Variants in DYRK4 observed in about 807,000 individuals in gnomAD.
DYRK4 encodes dual specificity tyrosine phosphorylation regulated kinase 4.
A neutral mutation model predicts 68.3 loss-of-function variants in DYRK4; 64 were observed. The observed-to-expected ratio is 0.94, with a 90% CI of 0.77 to 1.15. The LOEUF (loss-of-function observed/expected upper bound fraction) is 1.15. DYRK4 is among the 50% of genes most tolerant of loss of function. DYRK4 has a pLI of 0.00. For synonymous variants in DYRK4, 274 were observed against 289.9 expected, an observed-to-expected ratio of 0.95 and a Z score of 0.56; for missense variants, 740 against 764.7, an observed-to-expected ratio of 0.97 and a Z score of 0.38.
intron 5 of DYRK4, chr12:4,592,587 C>G (rs1284587652): frequency 6.5e-6 from 1 of 154,080 alleles, no homozygotes; most frequent in Non-Finnish European, 1.4e-5. Context: ...TTTATGTTAC[C>G]TGTCTGGCCC....
At chr12:4,576,904 A>C (rs1165316345) in intron 2 of DYRK4, among the ~76,000 whole-genome samples, 1 of 152,180 alleles carries the variant, frequency 6.6e-6, no homozygotes, top group Non-Finnish European at 1.5e-5. Flanking sequence ...ACTTAGACAC[A>C]ATCCCTTCTC....
intron 10 of DYRK4, among the ~76,000 whole-genome samples, chr12:4,603,821 C>G (rs1046901063): frequency 6.6e-6 from 1 of 152,218 alleles, no homozygotes; most frequent in African/African-American, 2.4e-5. Flanking sequence ...TTTCATTTAT[C>G]TTGGCTGCCA....
At position 4,592,730 on chromosome 12, in the gene DYRK4, C is replaced by T. The variant is rs921848682; in HGVS notation, c.464-272C>T. 12 of 332,350 alleles carry T rather than the reference C, an allele frequency of 3.6e-5. No homozygotes were observed. The Admixed American group carries it at 4.1e-4, about 11-fold the overall frequency. The allele number at this position is 332,350 out of a possible 1,614,324, so 20.6% of individuals were successfully genotyped here. A position where few individuals can be genotyped will look rare whatever the true frequency, so the allele number is the denominator to read the frequency against. On this transcript the variant is annotated intron_variant, in intron 5 of 14. Transcript: ENST00000543431. ...ATTTGACTCCTGGAATTTTTACCTG[C>T]GCTGCTCTAACCCCCAGGTGTTTGG...
In DYRK4 at chr12:4,613,669, C is replaced by T. The variant is rs1412574025; in HGVS notation, c.1821C>T (p.Val607=). ...CTCCCAAGAAGTCAGAGGCAGCTGT[C>T]GGGGCGGAGGTGTCCATGACCTCCC... The part of the protein sequence containing the change: ...VDAPKKSEAA[V]GAEVSMTSPG... The change falls in exon 15 of 15, where the codon GTC becomes GTT. Residue 607 remains valine, a synonymous_variant. Coordinates refer to ENST00000543431, the MANE Select transcript of DYRK4 (RefSeq NM_001394779.1). This position sits in a 1 kb window ranked among gnomAD's most constrained non-coding sequence, Gnocchi z 4.0. 9 of 1,612,996 alleles carry T rather than the reference C, an allele frequency of 5.6e-6. No individual in the cohort carries two copies. Among genetic ancestry groups the T allele is most frequent in the South Asian group, 1.1e-5 (1 of 91,030 alleles).
chr12:4,602,635 G>T, intron 10 of DYRK4: 4 of 1,377,040 alleles, frequency 2.9e-6, no homozygotes, highest in South Asian at 1.2e-5. Context: ...ACTGACACAG[G>T]AGTTGGAAGA....
chr12:4,578,248 G>A (rs185403869), intron 2 of DYRK4, among the ~76,000 whole-genome samples: 1 of 152,126 alleles, frequency 6.6e-6, no homozygotes, highest in African/African-American at 2.4e-5. Context: ...CAAATTAAAT[G>A]TATGTTAAAC....
chr12:4,570,090 A>G (rs571219155), intron 2 of DYRK4, among the ~76,000 whole-genome samples: 2 of 150,044 alleles, frequency 1.3e-5, no homozygotes, highest in South Asian at 4.2e-4. Flanking sequence ...GATAATAACA[A>G]ATTAGCTGGG....
Position 4,612,566 on chromosome 12 carries a change from C to A in DYRK4, c.1514C>A (p.Thr505Asn). The A allele has an allele frequency of 6.2e-7, 1 of 1,614,220 alleles. No homozygotes were observed. Among genetic ancestry groups the A allele is most frequent in the Non-Finnish European group, 8.5e-7 (1 of 1,180,026 alleles). Residue 505 changes from threonine (T) to asparagine (N), a missense_variant, in exon 14 of 15, where the codon ACC becomes AAC. Transcript: ENST00000543431. The part of the protein sequence containing the change: ...CLVWEPSLRM[T>N]PDQALKHAWI... Reference sequence around the variant, plus strand: ...AGATGGGAACCTTCTCTTCGCATGACCCCGGACCAGGCCCTCAAGCATGCT... The same window carrying A: ...AGATGGGAACCTTCTCTTCGCATGAACCCGGACCAGGCCCTCAAGCATGCT...
intron 4 of DYRK4, 163 bp downstream of exon 4, chr12:4,590,603 C>T (rs1294014583): frequency 7.5e-7 from 1 of 1,334,562 alleles, no homozygotes; most frequent in Non-Finnish European, 9.6e-7. Context: ...TAAGCTTGAG[C>T]AAATAAGTCC....
chr12:4,605,007 G>A lies in DYRK4; in HGVS notation c.1220G>A (p.Cys407Tyr), dbSNP rs377369723. The change falls in exon 11 of 15, where the codon TGC (cysteine) becomes TAC (tyrosine). Residue 407 changes from cysteine to tyrosine, a missense_variant. Cys to Tyr is a radical substitution (Grantham distance 194). Coordinates refer to ENST00000543431, the MANE Select transcript of DYRK4 (RefSeq NM_001394779.1). ...DVAIDMWSLGCITAELYTGYP... is the reference protein window; with the variant it reads ...DVAIDMWSLGYITAELYTGYP... ...GCCATTGACATGTGGAGCCTGGGCT[G>A]CATCACGGCGGAGTTGTACACGGGC... is the stretch of plus-strand genomic sequence containing the variant. The A allele has an allele frequency of 2.3e-5, 37 of 1,613,980 alleles. No individual in the cohort carries two copies. The highest frequency in any genetic ancestry group is 3.0e-5 in the Non-Finnish European group (35 of 1,179,970).
At chr12:4,599,269 AC>A in intron 9 of DYRK4, 103 bp downstream of exon 9, 31 of 647,030 alleles carry the variant, frequency 4.8e-5, no homozygotes, top group Non-Finnish European at 5.4e-5. Context: ...ATTGCCTTTG[AC>A]TTTTTTTTTT....
intron 10 of DYRK4, chr12:4,602,479 G>A: frequency 1.5e-6 from 2 of 1,300,084 alleles, no homozygotes; most frequent in Non-Finnish European, 2.2e-6. Context: ...TTCGATCTGA[G>A]ATGGCAGCAG....
At position 4,593,087 on chromosome 12, in the gene DYRK4, T is replaced by C. The variant is rs1185806409; in HGVS notation, c.549T>C (p.Leu183=). The stretch of plus-strand genomic sequence containing the variant: ...ACGCGGAGCTGTGGTTCCTGGGTCT[T>C]GAAGCCAAGAAGCTCGACACGGCTC... ...LGYAELWFLG[L]EAKKLDTAPE... Residue 183 remains leucine, a synonymous_variant, in exon 6 of 15, where the codon CTT becomes CTC. Coordinates refer to ENST00000543431, the MANE Select transcript of DYRK4 (RefSeq NM_001394779.1). The C allele has an allele frequency of 5.0e-6, 8 of 1,614,064 alleles. No individual in the cohort carries two copies. Among genetic ancestry groups the C allele is most frequent in the Non-Finnish European group, 6.8e-6 (8 of 1,180,046 alleles).
rs1023843685 is a variant in DYRK4, at chr12:4,562,261, C to T, written c.16C>T (p.Pro6Ser). The T allele has an allele frequency of 6.5e-7, 1 of 1,533,002 alleles. No individual in the cohort carries two copies. The highest frequency in any genetic ancestry group is 1.2e-5 in the South Asian group (1 of 83,654). 95.0% of individuals were successfully genotyped at this position (1,533,002 alleles called of 1,614,324 possible). A position where few individuals can be genotyped will look rare whatever the true frequency, so the allele number is the denominator to read the frequency against. ...CGCCGGCCTCATGCAGCTCCTCCCG[C>T]CGCCTATCCGCACCGGAACAAAGTA... is the stretch of plus-strand genomic sequence containing the variant. Reference protein sequence around the residue: MQLLPPPIRTGTKTQM... With the variant: MQLLPSPIRTGTKTQM... Residue 6 changes from proline to serine, a missense_variant, in exon 1 of 15, where the codon CCG becomes TCG. Physicochemically the swap from Pro to Ser is moderately conservative, Grantham distance 74. Around this residue, in one of 3 missense-constraint regions of DYRK4, gnomAD observed 70 missense variants for 71.1 expected, o/e 0.98. Transcript: ENST00000543431.
At chr12:4,566,020 T>G (rs781415731) in intron 1 of DYRK4, among the ~76,000 whole-genome samples, 2 of 152,222 alleles carry the variant, frequency 1.3e-5, no homozygotes, top group Non-Finnish European at 2.9e-5. Context: ...TTTGTGTTCA[T>G]TTTTGCCCAA....
chr12:4,605,090 C>A lies in DYRK4; in HGVS notation c.1299+4C>A, dbSNP rs747038363. 3 of 1,609,588 alleles carry A rather than the reference C, an allele frequency of 1.9e-6. No individual in the cohort carries two copies. Among genetic ancestry groups the A allele is most frequent in the Non-Finnish European group, 2.5e-6 (3 of 1,177,550 alleles). ...GCAGCTGGCCTGCATCATGGAGGTA[C>A]GCGGAGGGCTGGCGGTCGGCTCCCA... is the stretch of plus-strand genomic sequence containing the variant. On this transcript the variant is annotated splice_donor_region_variant and intron_variant, in intron 11 of 14. Coordinates refer to ENST00000543431, the MANE Select transcript of DYRK4 (RefSeq NM_001394779.1).
rs71582876 is a variant in DYRK4, at chr12:4,593,268, G to A, written c.627+103G>A. 4,737 of 1,310,870 alleles carry A rather than the reference G, an allele frequency of 3.6e-3. 9 individuals are homozygous for A. The highest frequency in any genetic ancestry group is 5.0e-3 in the Middle Eastern group (18 of 3,626). 81.2% of individuals were successfully genotyped at this position (1,310,870 alleles called of 1,614,324 possible). A position where few individuals can be genotyped will look rare whatever the true frequency, so the allele number is the denominator to read the frequency against. On this transcript the variant is annotated intron_variant, in intron 6 of 14. Transcript: ENST00000543431. Reference sequence around the variant, plus strand: ...ATTTTGTAGTATTTGGGGCTGATACGTTGGAGACTAGATATCCTGAAGTAT... The same window carrying A: ...ATTTTGTAGTATTTGGGGCTGATACATTGGAGACTAGATATCCTGAAGTAT...
chr12:4,576,053 A>G (rs1404795642), intron 2 of DYRK4, among the ~76,000 whole-genome samples: 1 of 152,214 alleles, frequency 6.6e-6, no homozygotes, highest in Non-Finnish European at 1.5e-5. Context: ...AGTTTACATT[A>G]GAGTTCCTCC....
intron 2 of DYRK4, 142 bp downstream of exon 2, chr12:4,568,190 C>A: frequency 1.3e-6 from 1 of 756,872 alleles, no homozygotes; most frequent in Non-Finnish European, 2.1e-6. Flanking sequence ...TGCTGATTGG[C>A]AGGGCCAAAT....
Sources: allele counts gnomAD v4.1 joint callset (sites outside exome capture counted in the v4.1 genomes callset), GRCh38; gene constraint gnomAD v4.1.1; regional missense constraint gnomAD v4.1.1; non-coding constraint Gnocchi (gnomAD v3.1); transcripts MANE v1.5; gene names NCBI Gene and HGNC (gene_info 2026-07-23, HGNC 2026-07-21).